USP24: variants seen among roughly 807,000 people sequenced by gnomAD.
The protein encoded by USP24 is ubiquitin specific peptidase 24.
Under a neutral mutation model 361.6 loss-of-function variants are expected in USP24, and 97 were observed. That is an observed-to-expected ratio of 0.27 (90% CI 0.23 to 0.32). The LOEUF (loss-of-function observed/expected upper bound fraction) is 0.32. Ranked by LOEUF, USP24 falls within the 10% of genes least tolerant of loss-of-function variation. The probability of loss-of-function intolerance (pLI) is 1.00; values close to 1 mark genes in which losing one functional copy is unlikely to be tolerated. For synonymous variants in USP24, 1,098 were observed against 1,124.6 expected (o/e 0.98, Z 0.47); for missense variants, 2,353 against 3,165.6 (o/e 0.74, Z 6.16).
intron 1 of USP24, among the ~76,000 whole-genome samples, chr1:55,187,787 A>G (rs756837854): frequency 1.2e-4 from 19 of 152,210 alleles, no homozygotes; most frequent in Non-Finnish European, 2.6e-4. Context: ...TAAGAACTAA[A>G]TAAACAAAAA....
intron 42 of USP24, among the ~76,000 whole-genome samples, 154 bp downstream of exon 42, chr1:55,103,722 A>G (rs1218964774): frequency 6.6e-6 from 1 of 152,244 alleles, no homozygotes; most frequent in Admixed American, 6.5e-5. Context: ...GAGTGATACT[A>G]TAGCTTATAC....
chr1:55,134,256 A>G (rs1450851769), intron 29 of USP24, 72 bp downstream of exon 29: 1 of 1,563,372 alleles, frequency 6.4e-7, no homozygotes, highest in African/African-American at 1.4e-5. Flanking sequence ...ATGCATTTCA[A>G]GTGAAAAGTT....
In USP24 at chr1:55,098,356, T is replaced by C. The variant is rs752221038; in HGVS notation, c.5453+120A>G. The C allele has an allele frequency of 2.1e-5, 20 of 960,308 alleles. No individual in the cohort carries two copies. The East Asian group carries it at 2.1e-4, about 10-fold the overall frequency. The allele number at this position is 960,308 out of a possible 1,614,324, so 59.5% of individuals were successfully genotyped here. ...AGAAATTTAAGTCACTAAATACTTA[T>C]AGATCTGTTGACAGGGAGAGAGTTC... On this transcript the variant is annotated intron_variant, in intron 46 of 67. Transcript: ENST00000294383.
intron 43 of USP24, 44 bp from the exon 44 acceptor site, chr1:55,101,008 C>T (rs1480434790): frequency 1.9e-6 from 3 of 1,588,214 alleles, no homozygotes; most frequent in African/African-American, 1.4e-5. Context: ...ATTTAAAATG[C>T]TTCACAGGAA....
chr1:55,081,428 T>TA lies in USP24; in HGVS notation c.6976-5_6976-4insT. The TA allele has an allele frequency of 6.2e-7, 1 of 1,613,280 alleles. No homozygotes were observed. The highest frequency in any genetic ancestry group is 8.5e-7 in the Non-Finnish European group (1 of 1,179,386). On this transcript the variant is annotated splice_polypyrimidine_tract_variant and splice_region_variant and intron_variant, in intron 58 of 67. Transcript: ENST00000294383. ...GTGCTGAACTCCATCGACGTATCTG[T>TA]CATCAGGGAAGATAAAGTGGCTGTT...
chr1:55,107,866 A>AC (rs869121537), intron 39 of USP24, among the ~76,000 whole-genome samples: 34 of 138,850 alleles, frequency 2.4e-4, no homozygotes, highest in Non-Finnish European at 4.3e-4. Context: ...AAAAAAAAAA[A>AC]CACACAAAAA....
intron 56 of USP24, 60 bp from the exon 57 acceptor site, chr1:55,083,948 C>A: frequency 7.5e-7 from 1 of 1,327,718 alleles, no homozygotes. Context: ...ACATTTATAA[C>A]AGGATTAATT....
rs756113120 is a variant in USP24, at chr1:55,154,696, T to C, written c.1529A>G (p.Asn510Ser). 29 of 1,613,356 alleles carry C rather than the reference T, an allele frequency of 1.8e-5. 1 individual carries two copies. The South Asian group carries it at 2.7e-4, about 15-fold the overall frequency. ...CTTCTGAATGAGAACAAACAAATGA[T>C]TAAGCTGATCTGAATTAAATTTCAC... The part of the protein sequence containing the change: ...AAVKFNSDQL[N>S]HLFVLIQKSW... The change falls in exon 13 of 68, where the codon AAT becomes AGT. Residue 510 changes from asparagine to serine, a missense_variant. By Grantham distance (46) the Asn-to-Ser change is conservative (BLOSUM62 1). Around this residue, in one of 8 missense-constraint regions of USP24, gnomAD observed 386 missense variants for 560.5 expected, o/e 0.69. Transcript: ENST00000294383.
intron 1 of USP24, among the ~76,000 whole-genome samples, chr1:55,202,303 G>A (rs987342074): frequency 1.3e-5 from 2 of 152,116 alleles, no homozygotes; most frequent in African/African-American, 2.4e-5. Context: ...GATACACAGA[G>A]AACGAAAAGG....
intron 39 of USP24, among the ~76,000 whole-genome samples, chr1:55,109,385 C>A (rs1645885514): frequency 6.6e-6 from 1 of 152,162 alleles, no homozygotes; most frequent in Non-Finnish European, 1.5e-5. Context: ...TACATGATGG[C>A]CTTTGTATGA....
intron 16 of USP24, among the ~76,000 whole-genome samples, chr1:55,152,514 C>A (rs1647236921): frequency 6.6e-6 from 1 of 152,132 alleles, no homozygotes. Context: ...GCTGAGAAGA[C>A]AAGACCATTT....
In USP24 at chr1:55,097,006, A is replaced by G; in HGVS notation, c.5882T>C (p.Val1961Ala). 6.2e-7 allele frequency: 1 copy of G among 1,613,930 alleles called. No homozygotes were observed. Among genetic ancestry groups the G allele is most frequent in the Non-Finnish European group, 8.5e-7 (1 of 1,179,876 alleles). The change falls in exon 49 of 68, where the codon GTA (valine) becomes GCA (alanine). Residue 1961 changes from valine (V) to alanine (A), a missense_variant. Physicochemically the swap from Val to Ala is moderately conservative, Grantham distance 64. Around this residue, in one of 8 missense-constraint regions of USP24, gnomAD observed 598 missense variants for 761.9 expected, o/e 0.78. Coordinates refer to ENST00000294383, the MANE Select transcript of USP24 (RefSeq NM_015306.3). ...GCCTGCGTGTGCCTGCCCACTGTGT[A>G]CGATGACACCGACAAGTTCATAGTT... ...TENYELVGVI[V>A]HSGQAHAGHY...
chr1:55,084,250 G>A (rs1645206803), intron 56 of USP24: 1 of 188,360 alleles, frequency 5.3e-6, no homozygotes, highest in Non-Finnish European at 1.1e-5. Context: ...CCTCCACTAC[G>A]TTACTTCTTC....
intron 67 of USP24, among the ~76,000 whole-genome samples, chr1:55,070,518 C>T (rs1172878534): frequency 3.3e-5 from 5 of 152,136 alleles, no homozygotes; most frequent in African/African-American, 4.8e-5. Context: ...TAAGATGAGG[C>T]CTGAAAGCTG....
intron 1 of USP24, among the ~76,000 whole-genome samples, chr1:55,201,773 T>G (rs1408378882): frequency 1.3e-5 from 2 of 152,118 alleles, no homozygotes; most frequent in African/African-American, 4.8e-5. Flanking sequence ...GGAGGTATAA[T>G]GCAAGGCATC....
chr1:55,190,802 T>G (rs560749950), intron 1 of USP24, among the ~76,000 whole-genome samples: 3 of 152,204 alleles, frequency 2.0e-5, no homozygotes, highest in African/African-American at 7.2e-5. Flanking sequence ...TCCAGGTATA[T>G]GTGCAGTGAG....
chr1:55,143,066 C>T lies in USP24; in HGVS notation c.2493G>A (p.Met831Ile). 6.5e-7 allele frequency: 1 copy of T among 1,532,300 alleles called. No individual in the cohort carries two copies. The highest frequency in any genetic ancestry group is 8.8e-7 in the Non-Finnish European group (1 of 1,141,688). The allele number at this position is 1,532,300 out of a possible 1,614,324, so 94.9% of individuals were successfully genotyped here. A position where few individuals can be genotyped will look rare whatever the true frequency, so the allele number is the denominator to read the frequency against. The change falls in exon 22 of 68, where the codon ATG becomes ATA. Residue 831 changes from methionine to isoleucine, a missense_variant. Around this residue, in one of 8 missense-constraint regions of USP24, gnomAD observed 949 missense variants for 1,280.5 expected, o/e 0.74. Coordinates refer to ENST00000294383, the MANE Select transcript of USP24 (RefSeq NM_015306.3). The stretch of plus-strand genomic sequence containing the variant: ...TAGCAATTTCTTCATCAGGTGATTC[C>T]ATGGCTATTTTCCAAATGAAATCCA... ...IGMDFIWKIA[M>I]ESPDEEIANE... is the part of the protein sequence containing the mutation.
rs1646786801 is a variant in USP24, at chr1:55,138,039, C to G, written c.2929-135G>C. 6.2e-6 allele frequency: 5 copies of G among 801,434 alleles called. No homozygotes were observed. The Admixed American group carries it at 1.4e-4, about 22-fold the overall frequency. 49.6% of individuals were successfully genotyped at this position (801,434 alleles called of 1,614,324 possible). ...ACAGCAGAGAACATAAAGACAAGAA[C>G]CCCTGCCCTCGTGAGGCTTCCCTTC... is the stretch of plus-strand genomic sequence containing the variant. On this transcript the variant is annotated intron_variant, in intron 26 of 67. Transcript: ENST00000294383.
At chr1:55,203,559 T>C (rs551572216) in intron 1 of USP24, among the ~76,000 whole-genome samples, 3 of 152,392 alleles carry the variant, frequency 2.0e-5, no homozygotes, top group African/African-American at 7.2e-5. Context: ...TTTTATGAAG[T>C]ATATCTTGCT....
Sources: gnomAD v4.1 joint callset for allele counts (sites outside exome capture counted in the v4.1 genomes callset) on GRCh38, gnomAD v4.1.1 for gene constraint, gnomAD v4.1.1 regional missense constraint, MANE v1.5 for transcripts, NCBI Gene and HGNC (gene_info 2026-07-23, HGNC 2026-07-21) for gene names.